The following ACER2 variants were observed in gnomAD, a reference collection of about 807,000 sequenced individuals.
The protein encoded by ACER2 is alkaline ceramidase 2.
In ACER2, 26 loss-of-function variants were observed where a neutral mutation model predicts 34.7. That is an observed-to-expected ratio of 0.75 (90% CI 0.55 to 1.04). The LOEUF is 1.04. Ranked by LOEUF, ACER2 falls within the 50% of genes least tolerant of loss-of-function variation. The pLI is 0.00. For missense variants in ACER2, 352 were observed against 340.8 expected, an observed-to-expected ratio of 1.03 and a Z score of -0.26; for synonymous variants, 138 against 132.1, an observed-to-expected ratio of 1.04 and a Z score of -0.31.
In ACER2 at chr9:19,446,053, G is replaced by A. The variant is rs969555245; in HGVS notation, c.504-228G>A. The A allele has an allele frequency of 8.2e-6, 6 of 731,354 alleles. No homozygotes were observed. In the African/African-American group the frequency reaches 1.0e-4, roughly 12 times the overall value. 45.3% of individuals were successfully genotyped at this position (731,354 alleles called of 1,614,324 possible). Reference sequence around the variant, plus strand: ...GTCAAAAATGTAGTTGGGTGTATGAGTCTGGAGTCAGGAGAGAAGCCTGGG... The same window carrying A: ...GTCAAAAATGTAGTTGGGTGTATGAATCTGGAGTCAGGAGAGAAGCCTGGG... On this transcript the variant is annotated intron_variant, in intron 4 of 5. Transcript: ENST00000340967.
intron 4 of ACER2, among the ~76,000 whole-genome samples, chr9:19,444,859 T>TA (rs1831301944): frequency 6.6e-6 from 1 of 152,260 alleles, no homozygotes; most frequent in South Asian, 2.1e-4. Context: ...CTATTCTTTC[T>TA]AAAAACTTTT....
At chr9:19,423,805 A>G in intron 1 of ACER2, 57 bp from the exon 2 acceptor site, 1 of 1,358,092 alleles carries the variant, frequency 7.4e-7, no homozygotes, top group Non-Finnish European at 1.1e-6. Context: ...AGGCCACTTT[A>G]TTTTTTGCCC....
chr9:19,444,154 T>TAAA (rs142554474), intron 4 of ACER2, among the ~76,000 whole-genome samples: 2 of 95,700 alleles, frequency 2.1e-5, no homozygotes, highest in East Asian at 2.9e-4. Context: ...GCTGATGAGC[T>TAAA]AAAAAAAAAA....
chr9:19,417,546 C>T (rs1256699893), intron 1 of ACER2, among the ~76,000 whole-genome samples: 7 of 152,098 alleles, frequency 4.6e-5, no homozygotes, highest in African/African-American at 1.7e-4. Context: ...AGAACAGAGG[C>T]CTCAGAAATA....
At chr9:19,447,386 G>T (rs1000896691) in intron 5 of ACER2, among the ~76,000 whole-genome samples, 1 of 152,156 alleles carries the variant, frequency 6.6e-6, no homozygotes, top group Non-Finnish European at 1.5e-5. Context: ...TATTTGCTAT[G>T]AGACCCACCC....
chr9:19,440,699 T>C (rs902523007), intron 4 of ACER2, among the ~76,000 whole-genome samples: 3 of 152,188 alleles, frequency 2.0e-5, no homozygotes, highest in Non-Finnish European at 4.4e-5. Flanking sequence ...ACTGTTTTTC[T>C]CCCTTTTTAC....
chr9:19,413,109 G>C (rs1164497830), intron 1 of ACER2, among the ~76,000 whole-genome samples: 1 of 152,138 alleles, frequency 6.6e-6, no homozygotes, highest in African/African-American at 2.4e-5. Context: ...GACAATGTTT[G>C]GGCATACAAA....
Position 19,446,627 on chromosome 9 carries a change from G to A in ACER2, c.641+209G>A, listed in dbSNP as rs1392497047. 2.1e-5 allele frequency: 21 copies of A among 985,298 alleles called. No homozygotes were observed. In the South Asian group the frequency reaches 6.1e-4, roughly 29 times the overall value. 61.0% of individuals were successfully genotyped at this position (985,298 alleles called of 1,614,324 possible). On this transcript the variant is annotated intron_variant, in intron 5 of 5. Transcript: ENST00000340967. Reference sequence around the variant, plus strand: ...TCCAGGGAGCAGGCTTAGCCGGAACGAAAGGCCTGATTGTCATGCTTAGGT... The same window carrying A: ...TCCAGGGAGCAGGCTTAGCCGGAACAAAAGGCCTGATTGTCATGCTTAGGT...
In ACER2 at chr9:19,409,156, C is replaced by A. The variant is rs554276695; in HGVS notation, c.72C>A (p.Tyr24Ter). ...SSEVDWCEDN[Y>*]TIVPAIAEFY... ...AGGTGGACTGGTGCGAGGACAACTA[C>A]ACCATCGTGCCTGCTATCGCCGAGT... The change falls in exon 1 of 6, where the codon TAC (tyrosine) becomes TAA (stop). Residue 24 changes from tyrosine to a stop codon, truncating the protein, a stop_gained. Transcript: ENST00000340967. LOFTEE classifies it high-confidence loss of function. 11 of 1,606,098 alleles carry A rather than the reference C, an allele frequency of 6.8e-6. No individual in the cohort carries two copies. The South Asian group carries it at 7.8e-5, about 11-fold the overall frequency.
At chr9:19,435,147 G>T in intron 4 of ACER2, 63 bp downstream of exon 4, 1 of 1,580,984 alleles carries the variant, frequency 6.3e-7, no homozygotes, top group Non-Finnish European at 8.6e-7. Context: ...CCAGTTCGGG[G>T]CTTCTTTGCT....
intron 5 of ACER2, 136 bp from the exon 6 acceptor site, chr9:19,450,314 C>T: frequency 7.5e-7 from 1 of 1,326,236 alleles, no homozygotes; most frequent in Non-Finnish European, 9.7e-7. Flanking sequence ...TCATCCTTTC[C>T]TAATTAGAAG....
At chr9:19,437,944 A>G (rs1243479858) in intron 4 of ACER2, among the ~76,000 whole-genome samples, 1 of 152,176 alleles carries the variant, frequency 6.6e-6, no homozygotes, top group Non-Finnish European at 1.5e-5. Context: ...TTGTGTTCTC[A>G]AAGGCAGTAA....
chr9:19,440,565 A>G (rs1416432108), intron 4 of ACER2, among the ~76,000 whole-genome samples: 7 of 152,186 alleles, frequency 4.6e-5, no homozygotes, highest in African/African-American at 1.4e-4. Flanking sequence ...CTCACTAGAC[A>G]CTGATTCTGC....
At chr9:19,424,401 T>G (rs1386879931) in intron 2 of ACER2, 1 of 985,320 alleles carries the variant, frequency 1.0e-6, no homozygotes. Context: ...TGAAGGAATG[T>G]TGACTTTTAT....
chr9:19,422,163 T>TG (rs1830425085), intron 1 of ACER2, among the ~76,000 whole-genome samples: 1 of 150,424 alleles, frequency 6.6e-6, no homozygotes, highest in Non-Finnish European at 1.5e-5. Context: ...AAGCCAGGCA[T>TG]GGTGGTGCAT....
chr9:19,421,223 C>T (rs954329038), intron 1 of ACER2, among the ~76,000 whole-genome samples: 3 of 152,210 alleles, frequency 2.0e-5, no homozygotes, highest in Admixed American at 6.5e-5. Flanking sequence ...ATATGTGTGG[C>T]TCATTGTTGA....
chr9:19,447,516 A>T (rs775220326), intron 5 of ACER2, among the ~76,000 whole-genome samples: 5 of 152,216 alleles, frequency 3.3e-5, no homozygotes, highest in Admixed American at 2.6e-4. Context: ...GATTCAACTC[A>T]ACTAATACTA....
intron 1 of ACER2, among the ~76,000 whole-genome samples, chr9:19,419,410 C>T (rs1830334352): frequency 6.6e-6 from 1 of 152,088 alleles, no homozygotes; most frequent in African/African-American, 2.4e-5. Context: ...TATTCTTACC[C>T]AAGGTCACTA....
intron 4 of ACER2, among the ~76,000 whole-genome samples, chr9:19,435,922 G>A (rs191854522): frequency 2.9e-3 from 441 of 151,402 alleles, no homozygotes; most frequent in Non-Finnish European, 4.8e-3. Context: ...GGTGGCGGGC[G>A]CCTGTAGTCC....
Sources: allele counts gnomAD v4.1 joint callset (sites outside exome capture counted in the v4.1 genomes callset), GRCh38; gene constraint gnomAD v4.1.1; transcripts MANE v1.5; gene names NCBI Gene and HGNC (gene_info 2026-07-23, HGNC 2026-07-21).